AKAP10: variants seen among roughly 807,000 people sequenced by gnomAD.
The protein encoded by AKAP10 is A-kinase anchoring protein 10, also known as A-kinase anchor protein 10, mitochondrial.
AKAP10 carries 24 observed loss-of-function variants against 80.8 expected under a neutral mutation model. The ratio of observed to expected loss-of-function variants is 0.30; its 90% CI spans 0.22 to 0.42. AKAP10 has a LOEUF of 0.42. Among genes scored for constraint, AKAP10 ranks in the 10% least tolerant of loss-of-function variants. The pLI is 1.00. For synonymous variants in AKAP10, 291 were observed against 277.7 expected, an observed-to-expected ratio of 1.05 and a Z score of -0.48; for missense variants, 661 against 794.9, an observed-to-expected ratio of 0.83 and a Z score of 2.03.
intron 2 of AKAP10, among the ~76,000 whole-genome samples, chr17:19,964,007 C>T (rs565622090): frequency 6.6e-6 from 1 of 152,190 alleles, no homozygotes; most frequent in African/African-American, 2.4e-5. Context: ...AAGATAATTT[C>T]AGTCATTCAA....
rs148949492 is a variant in AKAP10, at chr17:19,936,377, A to C, written c.1376T>G (p.Leu459Ter). The C allele has an allele frequency of 6.2e-7, 1 of 1,613,608 alleles. No homozygotes were observed. Among genetic ancestry groups the C allele is most frequent in the African/African-American group, 1.3e-5 (1 of 74,940 alleles). The change falls in exon 9 of 15, where the codon TTA becomes TGA. Residue 459 changes from leucine to a stop codon, truncating the protein, a stop_gained. Coordinates refer to ENST00000225737, the MANE Select transcript of AKAP10 (RefSeq NM_007202.4). LOFTEE classifies it high-confidence loss of function. Reference protein sequence around the residue: ...HPLGFDDVVRLEIESNICREG... With the variant: ...HPLGFDDVVR ...CCTGCAGATATTGGATTCAATTTCT[A>C]ATCGTACAACATCATCAAATCCAAG...
At chr17:19,936,545 G>C (rs2152413777) in intron 8 of AKAP10, 115 bp from the exon 9 acceptor site, 1 of 999,272 alleles carries the variant, frequency 1.0e-6, no homozygotes, top group Non-Finnish European at 1.4e-6. Context: ...TGCAGGCCTA[G>C]AACTATAGAG....
chr17:19,936,486 T>C, intron 8 of AKAP10, 56 bp from the exon 9 acceptor site: 1 of 1,504,800 alleles, frequency 6.6e-7, no homozygotes, highest in Non-Finnish European at 9.1e-7. Flanking sequence ...TATAAGCAAC[T>C]TTCAGCACCT....
Position 19,943,214 on chromosome 17 carries a change from G to A in AKAP10, c.977-1304C>T, listed in dbSNP as rs74255382. On this transcript the variant is annotated intron_variant, in intron 5 of 14. Coordinates refer to ENST00000225737, the MANE Select transcript of AKAP10 (RefSeq NM_007202.4). ...TTTAGCCAGTTTCTTAGCATACAGC[G>A]CCTAAAATTCATGGAATCTCTGGAT... is the stretch of plus-strand genomic sequence containing the variant. Among the ~76,000 whole-genome samples the A allele has an allele frequency of 2.7e-3, 405 of 152,224 alleles. 14 individuals are homozygous for A. The East Asian group carries it at 0.074, about 28-fold the overall frequency.
At chr17:19,909,855 A>C (rs931165606) in intron 13 of AKAP10, 71 bp downstream of exon 13, 1 of 1,476,598 alleles carries the variant, frequency 6.8e-7, no homozygotes, top group African/African-American at 1.4e-5. Flanking sequence ...GAAAAGGAAA[A>C]TTTTAAACCT....
Position 19,958,257 on chromosome 17 carries a change from A to C in AKAP10, c.634T>G (p.Ser212Ala). The change falls in exon 4 of 15, where the codon TCA becomes GCA. Residue 212 changes from serine to alanine, a missense_variant. Physicochemically the swap from Ser to Ala is moderately conservative, Grantham distance 99. Coordinates refer to ENST00000225737, the MANE Select transcript of AKAP10 (RefSeq NM_007202.4). ...SLDKRLEDSGSAQLFMTHSEG... is the reference protein window; with the variant it reads ...SLDKRLEDSGAAQLFMTHSEG... ...GAATGAGTCATAAACAACTGTGCTG[A>C]GCCAGAATCCTCCAATCTCTTATCA... The C allele has an allele frequency of 1.2e-6, 2 of 1,614,220 alleles. No homozygotes were observed. Among genetic ancestry groups the C allele is most frequent in the Non-Finnish European group, 1.7e-6 (2 of 1,180,042 alleles).
At chr17:19,970,458 T>C (rs1364513753) in intron 1 of AKAP10, among the ~76,000 whole-genome samples, 1 of 152,374 alleles carries the variant, frequency 6.6e-6, no homozygotes, top group East Asian at 1.9e-4. Context: ...CTAAGTATTA[T>C]ACATAGACTT....
intron 12 of AKAP10, among the ~76,000 whole-genome samples, chr17:19,917,207 G>C (rs1412523800): frequency 2.0e-5 from 3 of 151,956 alleles, no homozygotes; most frequent in African/African-American, 7.3e-5. Flanking sequence ...AGAGCTTGCA[G>C]TGAGCCAAGA....
rs187175372 is a variant in AKAP10 at position 19,924,352 on chromosome 17, T to A, written c.1751+56A>T. 1.0e-3 allele frequency: 1,247 copies of A among 1,252,332 alleles called. 1 individual carries two copies. The highest frequency in any genetic ancestry group is 2.9e-3 in the Admixed American group (112 of 38,442). 77.6% of individuals were successfully genotyped at this position (1,252,332 alleles called of 1,614,324 possible). ...AAATGTAAAATTTAATTAAAAAATTTAAAAGATGCAAAGTTATTTACACTT... is the reference window on the plus strand; with the variant it reads ...AAATGTAAAATTTAATTAAAAAATTAAAAAGATGCAAAGTTATTTACACTT... On this transcript the variant is annotated intron_variant, in intron 11 of 14. Coordinates refer to ENST00000225737, the MANE Select transcript of AKAP10 (RefSeq NM_007202.4).
chr17:19,955,848 T>C (rs992922002), intron 4 of AKAP10, among the ~76,000 whole-genome samples: 3 of 151,716 alleles, frequency 2.0e-5, no homozygotes, highest in Middle Eastern at 3.4e-3. Flanking sequence ...AAAAAAACAA[T>C]TACAGAAACA....
In AKAP10 at chr17:19,958,323, T is replaced by C. The variant is rs748221868; in HGVS notation, c.568A>G (p.Lys190Glu). 1 of 1,614,264 alleles carries C rather than the reference T, an allele frequency of 6.2e-7. No homozygotes were observed. Among genetic ancestry groups the C allele is most frequent in the Non-Finnish European group, 8.5e-7 (1 of 1,180,050 alleles). ...SSLAEPVSPSKKHETTASFLT... is the reference protein window; with the variant it reads ...SSLAEPVSPSEKHETTASFLT... ...AAAGACGCTGTAGTTTCATGCTTTTTAGATGGAGAGACAGGCTCAGCCAGT... is the reference window on the plus strand; with the variant it reads ...AAAGACGCTGTAGTTTCATGCTTTTCAGATGGAGAGACAGGCTCAGCCAGT... The change falls in exon 4 of 15, where the codon AAA becomes GAA. Residue 190 changes from lysine (K) to glutamate (E), a missense_variant. Lys to Glu is a moderately conservative substitution (Grantham distance 56). Coordinates refer to ENST00000225737, the MANE Select transcript of AKAP10 (RefSeq NM_007202.4).
intron 5 of AKAP10, among the ~76,000 whole-genome samples, chr17:19,942,894 G>GT (rs199674143): frequency 0.1 from 14,853 of 145,410 alleles, 787 homozygotes; most frequent in Non-Finnish European, 0.13. Context: ...TCTTTGCCCA[G>GT]TTTTTTTTTT....
At chr17:19,974,781 C>T (rs2043544910) in intron 1 of AKAP10, among the ~76,000 whole-genome samples, 1 of 151,784 alleles carries the variant, frequency 6.6e-6, no homozygotes, top group Non-Finnish European at 1.5e-5. Flanking sequence ...CCTCAAACTC[C>T]TGGGCTCAAG....
rs148123130 is a variant in AKAP10, at chr17:19,969,726, C to A, written c.89-1265G>T. On this transcript the variant is annotated intron_variant, in intron 1 of 14. Coordinates refer to ENST00000225737, the MANE Select transcript of AKAP10 (RefSeq NM_007202.4). ...TCAACTGTTGAGTGCTTGGTATGTG[C>A]CAGACATGCTCCCAGCTCAGAAAAG... Among the ~76,000 whole-genome samples the A allele has an allele frequency of 1.2e-4, 19 of 152,162 alleles. No individual in the cohort carries two copies. In the East Asian group the frequency reaches 3.5e-3, roughly 28 times the overall value.
intron 12 of AKAP10, among the ~76,000 whole-genome samples, chr17:19,910,188 A>G (rs1055438681): frequency 6.6e-6 from 1 of 152,118 alleles, no homozygotes; most frequent in South Asian, 2.1e-4. Context: ...TCAGCCAGGC[A>G]TGGTAGCAGG....
At chr17:19,951,073 C>T (rs1289911543) in intron 4 of AKAP10, among the ~76,000 whole-genome samples, 1 of 152,038 alleles carries the variant, frequency 6.6e-6, no homozygotes, top group Non-Finnish European at 1.5e-5. Context: ...CTCCGCCCGG[C>T]AGCCGCCCGG....
intron 4 of AKAP10, among the ~76,000 whole-genome samples, chr17:19,949,936 T>G (rs2152416288): frequency 6.6e-6 from 1 of 152,286 alleles, no homozygotes; most frequent in South Asian, 2.1e-4. Flanking sequence ...GTGAAAAGTA[T>G]GTATATTGTA....
Position 19,935,035 on chromosome 17 carries a change from CAATA to C in AKAP10, c.1467+1247_1467+1250del, listed in dbSNP as rs201049884. ...TCAATCAATCAATCAATCAATCAATCAATAAACAGAATTTCCGTTAGGCTGCTTG... is the reference window on the plus strand; with the variant it reads ...TCAATCAATCAATCAATCAATCAATCAACAGAATTTCCGTTAGGCTGCTTG... On this transcript the variant is annotated intron_variant, in intron 9 of 14. Coordinates refer to ENST00000225737, the MANE Select transcript of AKAP10 (RefSeq NM_007202.4). Among the ~76,000 whole-genome samples the C allele has an allele frequency of 6.1e-3, 927 of 152,080 alleles. 21 individuals carry two copies. In the East Asian group the frequency reaches 0.072, roughly 12 times the overall value.
intron 1 of AKAP10, among the ~76,000 whole-genome samples, chr17:19,971,326 T>C (rs1484237788): frequency 2.6e-5 from 4 of 151,796 alleles, no homozygotes; most frequent in East Asian, 2.0e-4. Context: ...CTGGCCAACA[T>C]GGTGAAACCC....
Sources: gnomAD v4.1 joint callset for allele counts (sites outside exome capture counted in the v4.1 genomes callset) on GRCh38, gnomAD v4.1.1 for gene constraint, MANE v1.5 for transcripts, NCBI Gene and HGNC (gene_info 2026-07-23, HGNC 2026-07-21) for gene names.